SPOCK3: variants seen among roughly 807,000 people sequenced by gnomAD.
SPOCK3 encodes the protein testican-3.
SPOCK3 carries 30 observed loss-of-function variants against 56.6 expected under a neutral mutation model. That is an observed-to-expected ratio of 0.53 (90% CI 0.40 to 0.72). The LOEUF (loss-of-function observed/expected upper bound fraction) is 0.72, where lower values mean the gene tolerates loss of function less well. Among genes scored for constraint, SPOCK3 ranks in the 30% least tolerant of loss-of-function variants. SPOCK3 has a pLI of 0.00. For synonymous variants in SPOCK3, 196 were observed against 183.3 expected (o/e 1.07, Z -0.56); for missense variants, 527 against 530.0 (o/e 0.99, Z 0.06).
chr4:167,037,596 C>T (rs192304558), intron 3 of SPOCK3, among the ~76,000 whole-genome samples: 50 of 152,222 alleles, frequency 3.3e-4, no homozygotes, highest in African/African-American at 1.1e-3. Flanking sequence ...GATCAGCTCA[C>T]TGTTTTCAGA....
At chr4:167,057,125 C>G (rs1209209948) in intron 3 of SPOCK3, among the ~76,000 whole-genome samples, 1 of 152,088 alleles carries the variant, frequency 6.6e-6, no homozygotes, top group Non-Finnish European at 1.5e-5. Context: ...GAGTGGGGGC[C>G]AATATTCAAC....
At chr4:166,737,268 T>C (rs1734304831) in intron 10 of SPOCK3, among the ~76,000 whole-genome samples, 199 bp downstream of exon 10, 1 of 152,148 alleles carries the variant, frequency 6.6e-6, no homozygotes, top group Admixed American at 6.6e-5. Flanking sequence ...AAAATCTAAA[T>C]TATGCAATGA....
At chr4:167,045,867 C>G (rs2150209856) in intron 3 of SPOCK3, among the ~76,000 whole-genome samples, 1 of 152,080 alleles carries the variant, frequency 6.6e-6, no homozygotes, top group East Asian at 1.9e-4. Context: ...GAAAAAAAAT[C>G]CATTTTACCC....
At chr4:167,089,798 C>A (rs543145083) in intron 2 of SPOCK3, among the ~76,000 whole-genome samples, 1 of 151,966 alleles carries the variant, frequency 6.6e-6, no homozygotes, top group African/African-American at 2.4e-5. Flanking sequence ...ATAGTAAATC[C>A]TCTATCTTCA....
rs544420907 is a variant in SPOCK3 at position 166,917,104 on chromosome 4, T to C, written c.351-4361A>G. Among the ~76,000 whole-genome samples, 6 of 152,236 alleles carry C rather than the reference T, an allele frequency of 3.9e-5. No homozygotes were observed. In the East Asian group the frequency reaches 7.7e-4, roughly 20 times the overall value. ...TGAAAGGAAATAAAATGTGGCGTGG[T>C]TGTGTTAAAAGAGGCACAGTTTCCA... On this transcript the variant is annotated intron_variant, in intron 4 of 10. Coordinates refer to ENST00000357545, the MANE Select transcript of SPOCK3 (RefSeq NM_001040159.2).
At chr4:166,802,107 C>G (rs1742665506) in intron 6 of SPOCK3, among the ~76,000 whole-genome samples, 1 of 151,252 alleles carries the variant, frequency 6.6e-6, no homozygotes, top group African/African-American at 2.4e-5. Context: ...AATACATGTA[C>G]AAAACACCGA....
intron 2 of SPOCK3, among the ~76,000 whole-genome samples, chr4:167,227,197 C>T (rs1478505201): frequency 6.6e-6 from 1 of 152,178 alleles, no homozygotes; most frequent in Admixed American, 6.5e-5. Context: ...TCATTGTCAT[C>T]TGCTGTTGAC....
intron 7 of SPOCK3, among the ~76,000 whole-genome samples, chr4:166,762,199 G>C (rs559191067): frequency 6.6e-6 from 1 of 152,150 alleles, no homozygotes; most frequent in South Asian, 2.1e-4. Flanking sequence ...TATTTTCTGT[G>C]CAAGTGCTCA....
At position 166,735,075 on chromosome 4, in the gene SPOCK3, A is replaced by T. The variant is rs769708546; in HGVS notation, c.1148T>A (p.Ile383Asn). The change falls in exon 11 of 11, where the codon ATC (isoleucine) becomes AAC (asparagine). Residue 383 changes from isoleucine to asparagine, a missense_variant. Coordinates refer to ENST00000357545, the MANE Select transcript of SPOCK3 (RefSeq NM_001040159.2). ...ATCGCCACTAGCAAAATCTCCGGAGATCTCAAAATCTATAGCTTAAAACAA... is the reference window on the plus strand; with the variant it reads ...ATCGCCACTAGCAAAATCTCCGGAGTTCTCAAAATCTATAGCTTAAAACAA... ...GVADCAIDFE[I>N]SGDFASGDFH... 5.6e-6 allele frequency: 9 copies of T among 1,602,736 alleles called. No individual in the cohort carries two copies. The African/African-American group carries it at 1.2e-4, about 22-fold the overall frequency.
chr4:166,800,025 C>CA (rs977309848), intron 6 of SPOCK3, among the ~76,000 whole-genome samples: 20 of 150,956 alleles, frequency 1.3e-4, no homozygotes, highest in Non-Finnish European at 1.9e-4. Flanking sequence ...ACTAAACATA[C>CA]AAAAAAATTA....
intron 9 of SPOCK3, among the ~76,000 whole-genome samples, chr4:166,737,818 T>A (rs187314543): frequency 2.0e-5 from 3 of 152,306 alleles, no homozygotes; most frequent in African/African-American, 7.2e-5. Context: ...ATGAACTGCT[T>A]ATAGTTCATG....
At chr4:166,788,959 T>A (rs1741037192) in intron 7 of SPOCK3, among the ~76,000 whole-genome samples, 1 of 143,068 alleles carries the variant, frequency 7.0e-6, no homozygotes, top group Non-Finnish European at 1.6e-5. Flanking sequence ...CAAAATTTGA[T>A]TTTTCTCTCT....
intron 6 of SPOCK3, among the ~76,000 whole-genome samples, chr4:166,814,550 C>G (rs2126737048): frequency 6.6e-6 from 1 of 152,206 alleles, no homozygotes; most frequent in Non-Finnish European, 1.5e-5. Context: ...TTCTCCCTTG[C>G]TGGATGTTTC....
At position 167,051,625 on chromosome 4, in the gene SPOCK3, A is replaced by C. The variant is rs567263377; in HGVS notation, c.235+10867T>G. Among the ~76,000 whole-genome samples the C allele has an allele frequency of 3.3e-5, 5 of 152,298 alleles. No homozygotes were observed. In the South Asian group the frequency reaches 8.3e-4, roughly 25 times the overall value. ...TCTTCATCTGATGCTCTGAACAGGG[A>C]AAGTTTAGAGTGAGGGTTGACATTT... On this transcript the variant is annotated intron_variant, in intron 3 of 10. Transcript: ENST00000357545.
intron 6 of SPOCK3, among the ~76,000 whole-genome samples, chr4:166,810,935 G>A (rs1743699027): frequency 6.6e-6 from 1 of 151,760 alleles, no homozygotes; most frequent in Non-Finnish European, 1.5e-5. Context: ...TCTACAAATA[G>A]GATTGAATTA....
intron 6 of SPOCK3, among the ~76,000 whole-genome samples, chr4:166,825,104 T>C (rs1745322609): frequency 6.6e-6 from 1 of 152,014 alleles, no homozygotes; most frequent in Admixed American, 6.6e-5. Flanking sequence ...ATTTCAAATA[T>C]ATATGACCCA....
chr4:166,752,591 CACACACACACACACACACACACAT>C (rs1736561321), intron 8 of SPOCK3, among the ~76,000 whole-genome samples: 1 of 149,922 alleles, frequency 6.7e-6, no homozygotes, highest in African/African-American at 2.5e-5. Flanking sequence ...CACACACACA[CACACACACACACACACACACACAT>C]ATATTTATAG....
At chr4:167,233,472 C>G (rs2111192221) in intron 2 of SPOCK3, among the ~76,000 whole-genome samples, 1 of 152,248 alleles carries the variant, frequency 6.6e-6, no homozygotes, top group East Asian at 1.9e-4. Flanking sequence ...TAAGCGGGAG[C>G]GTTCAACGAG....
intron 6 of SPOCK3, among the ~76,000 whole-genome samples, chr4:166,833,441 G>A (rs1746292515): frequency 1.3e-5 from 2 of 152,152 alleles, no homozygotes; most frequent in African/African-American, 4.8e-5. Context: ...AGAGGCAAAT[G>A]TTGCAGTTTC....
Sources: allele counts gnomAD v4.1 joint callset (sites outside exome capture counted in the v4.1 genomes callset), GRCh38; gene constraint gnomAD v4.1.1; transcripts MANE v1.5; gene names NCBI Gene and HGNC (gene_info 2026-07-23, HGNC 2026-07-21).